Variants in SGCZ observed in about 807,000 individuals in gnomAD.
The protein encoded by SGCZ is zeta-sarcoglycan.
A neutral mutation model predicts 41.3 loss-of-function variants in SGCZ; 40 were observed. The observed-to-expected ratio is 0.97, with a 90% CI of 0.75 to 1.26. SGCZ has a LOEUF of 1.26. Among genes scored for constraint, SGCZ ranks in the 50% most tolerant of loss-of-function variants. The probability of loss-of-function intolerance (pLI) is 0.00; values close to 1 mark genes in which losing one functional copy is unlikely to be tolerated. For missense variants in SGCZ, 552 were observed against 369.8 expected (o/e 1.49, Z -4.04); for synonymous variants, 206 against 137.5 (o/e 1.50, Z -3.49).
chr8:14,231,778 C>T (rs1405017095), intron 4 of SGCZ, among the ~76,000 whole-genome samples: 1 of 152,062 alleles, frequency 6.6e-6, no homozygotes, highest in African/African-American at 2.4e-5. Flanking sequence ...ACATTTTATT[C>T]AGCACATGTG....
At chr8:14,826,418 G>C (rs1802318991) in intron 1 of SGCZ, among the ~76,000 whole-genome samples, 1 of 152,126 alleles carries the variant, frequency 6.6e-6, no homozygotes, top group South Asian at 2.1e-4. Context: ...CTTTGTAGCA[G>C]CATCATTTAT....
intron 3 of SGCZ, among the ~76,000 whole-genome samples, chr8:14,305,571 C>G (rs1350976338): frequency 1.3e-5 from 2 of 152,112 alleles, no homozygotes; most frequent in African/African-American, 4.8e-5. Flanking sequence ...CCTTTAAAAA[C>G]AAATGCATAC....
At chr8:14,287,041 C>A (rs1254449716) in intron 3 of SGCZ, among the ~76,000 whole-genome samples, 1 of 151,660 alleles carries the variant, frequency 6.6e-6, no homozygotes, top group East Asian at 1.9e-4. Flanking sequence ...CTTTGTAAAC[C>A]TTCCTATTTC....
chr8:15,237,913 G>C lies in SGCZ; in HGVS notation c.-290C>G. 2.3e-4 allele frequency: 54 copies of C among 236,210 alleles called. No homozygotes were observed. Among genetic ancestry groups the C allele is most frequent in the East Asian group, 3.6e-4 (5 of 13,798 alleles). The allele number at this position is 236,210 out of a possible 1,614,324, so 14.6% of individuals were successfully genotyped here. A position where few individuals can be genotyped will look rare whatever the true frequency, so the allele number is the denominator to read the frequency against. ...TGAAACAGGGGCCAAAAGAAAAAAG[G>C]AAAAAAAAATCCACTCTATTTAAGA... is the stretch of plus-strand genomic sequence containing the variant. On this transcript the variant is annotated 5_prime_UTR_variant, in exon 1 of 8. Coordinates refer to ENST00000382080, the MANE Select transcript of SGCZ (RefSeq NM_139167.4).
chr8:14,558,679 A>T (rs1446739135), intron 1 of SGCZ, among the ~76,000 whole-genome samples: 1 of 151,874 alleles, frequency 6.6e-6, no homozygotes, highest in Non-Finnish European at 1.5e-5. Flanking sequence ...AGGACATAAC[A>T]ATGACAACAA....
chr8:14,251,071 T>C (rs1359180598), intron 3 of SGCZ, among the ~76,000 whole-genome samples: 3 of 152,098 alleles, frequency 2.0e-5, no homozygotes, highest in African/African-American at 7.2e-5. Flanking sequence ...CTACTTAAAG[T>C]ACAAAAATTA....
intron 1 of SGCZ, among the ~76,000 whole-genome samples, chr8:14,785,643 A>C (rs1800746262): frequency 6.6e-6 from 1 of 152,204 alleles, no homozygotes; most frequent in Non-Finnish European, 1.5e-5. Flanking sequence ...CCATTTTTGC[A>C]GTACCATAAC....
At chr8:14,612,793 T>A (rs1805972212) in intron 1 of SGCZ, among the ~76,000 whole-genome samples, 1 of 152,056 alleles carries the variant, frequency 6.6e-6, no homozygotes, top group Non-Finnish European at 1.5e-5. Flanking sequence ...CTCAAATGAT[T>A]CTCCTGCCTC....
At chr8:14,462,215 T>C (rs1456131532) in intron 2 of SGCZ, among the ~76,000 whole-genome samples, 1 of 151,742 alleles carries the variant, frequency 6.6e-6, no homozygotes, top group African/African-American at 2.4e-5. Context: ...TGCACTTTTG[T>C]GAAGAAGACC....
At chr8:14,860,668 G>A (rs1472447450) in intron 1 of SGCZ, among the ~76,000 whole-genome samples, 1 of 146,146 alleles carries the variant, frequency 6.8e-6, no homozygotes, top group Non-Finnish European at 1.5e-5. Context: ...AAGAAAGAAA[G>A]AGGGAAAGAG....
intron 1 of SGCZ, among the ~76,000 whole-genome samples, chr8:15,037,522 C>T (rs1424560527): frequency 6.6e-6 from 1 of 152,092 alleles, no homozygotes; most frequent in Non-Finnish European, 1.5e-5. Context: ...ATGTTATACT[C>T]AACAGGAAAA....
At chr8:14,268,410 C>T (rs895843672) in intron 3 of SGCZ, among the ~76,000 whole-genome samples, 6 of 150,642 alleles carry the variant, frequency 4.0e-5, no homozygotes, top group East Asian at 1.9e-4. Context: ...ACCATTTTTG[C>T]CTCTGACTTT....
At chr8:15,038,814 C>CAAAAAAAAAAAAAAAAAAAAAA (rs58922339) in intron 1 of SGCZ, among the ~76,000 whole-genome samples, 2 of 93,076 alleles carry the variant, frequency 2.1e-5, no homozygotes, top group African/African-American at 8.1e-5. Flanking sequence ...TGACATTTCT[C>CAAAAAAAAAAAAAAAAAAAAAA]AAAAAAAAAA....
intron 2 of SGCZ, 131 bp downstream of exon 2, chr8:14,554,601 T>A (rs1803973190): frequency 2.6e-6 from 2 of 762,302 alleles, no homozygotes; most frequent in Admixed American, 6.1e-5. Context: ...AAAATATTAT[T>A]TTCTTTGGGA....
intron 7 of SGCZ, among the ~76,000 whole-genome samples, chr8:14,099,651 G>A (rs1021681823): frequency 6.6e-6 from 1 of 152,136 alleles, no homozygotes; most frequent in Admixed American, 6.6e-5. Context: ...CTTGAACCCA[G>A]GGGGTGGAGG....
intron 2 of SGCZ, among the ~76,000 whole-genome samples, chr8:14,352,515 C>A (rs983268419): frequency 2.0e-5 from 3 of 152,048 alleles, no homozygotes; most frequent in Admixed American, 6.6e-5. Flanking sequence ...ACTCTTCTGT[C>A]TCAAATGACA....
intron 1 of SGCZ, among the ~76,000 whole-genome samples, chr8:14,687,329 A>T (rs181362770): frequency 2.5e-5 from 3 of 119,388 alleles, no homozygotes; most frequent in East Asian, 2.2e-4. Flanking sequence ...TATCTCCTAA[A>T]GCTATCCCTC....
At chr8:15,070,985 A>T (rs1805330957) in intron 1 of SGCZ, among the ~76,000 whole-genome samples, 1 of 152,198 alleles carries the variant, frequency 6.6e-6, no homozygotes. Flanking sequence ...GAACATTACT[A>T]AGTAGGTGCT....
chr8:15,047,027 T>C (rs1436256373), intron 1 of SGCZ, among the ~76,000 whole-genome samples: 3 of 152,038 alleles, frequency 2.0e-5, no homozygotes, highest in Non-Finnish European at 2.9e-5. Flanking sequence ...AAGATTTACA[T>C]AAATTAATGT....
Sources: gnomAD v4.1 joint callset for allele counts (sites outside exome capture counted in the v4.1 genomes callset) on GRCh38, gnomAD v4.1.1 for gene constraint, MANE v1.5 for transcripts, NCBI Gene and HGNC (gene_info 2026-07-23, HGNC 2026-07-21) for gene names.